Variants in TET2 observed in about 807,000 individuals in gnomAD.
The protein encoded by TET2 is methylcytosine dioxygenase TET2.
In TET2, 299 loss-of-function variants were observed where a neutral mutation model predicts 142.9. That is an observed-to-expected ratio of 2.09 (90% CI 1.90 to 2.30). The LOEUF is 2.30. Ranked by LOEUF, TET2 falls within the 30% of genes most tolerant of loss-of-function variation. TET2 has a pLI of 0.00. For synonymous variants in TET2, 819 were observed against 849.0 expected, an observed-to-expected ratio of 0.96 and a Z score of 0.61; for missense variants, 2,418 against 2,378.0, an observed-to-expected ratio of 1.02 and a Z score of -0.35.
In TET2 at chr4:105,236,658, A is replaced by G. The variant is rs1176472600; in HGVS notation, c.2716A>G (p.Met906Val). The change falls in exon 3 of 11, where the codon ATG becomes GTG. Residue 906 changes from methionine to valine, a missense_variant. Transcript: ENST00000380013. ...LQGYKNRNQD[M>V]SGQQAAQLAQ... Reference sequence around the variant, plus strand: ...GGGATATAAAAATAGAAACCAAGATATGTCTGGTCAACAAGCTGCGCAACT... The same window carrying G: ...GGGATATAAAAATAGAAACCAAGATGTGTCTGGTCAACAAGCTGCGCAACT... 14 of 1,614,084 alleles carry G rather than the reference A, an allele frequency of 8.7e-6. No individual in the cohort carries two copies. The highest frequency in any genetic ancestry group is 1.2e-5 in the Non-Finnish European group (14 of 1,180,010).
intron 2 of TET2, among the ~76,000 whole-genome samples, chr4:105,209,182 G>A (rs948638489): frequency 6.1e-5 from 9 of 148,496 alleles, no homozygotes; most frequent in Admixed American, 2.7e-4. Context: ...TTCACTTTTG[G>A]TGTGTATTCC....
chr4:105,261,908 G>T, intron 8 of TET2, 60 bp downstream of exon 8: 1 of 974,592 alleles, frequency 1.0e-6, no homozygotes, highest in African/African-American at 1.7e-5. Flanking sequence ...AATGACCTAT[G>T]TCCAAAAATA....
intron 8 of TET2, among the ~76,000 whole-genome samples, chr4:105,264,501 T>G (rs893051563): frequency 6.6e-6 from 1 of 152,198 alleles, no homozygotes; most frequent in Non-Finnish European, 1.5e-5. Flanking sequence ...ATTCTTATTA[T>G]GGACCGTCTC....
intron 2 of TET2, among the ~76,000 whole-genome samples, chr4:105,233,376 T>A (rs1419850248): frequency 5.3e-4 from 9 of 16,992 alleles, no homozygotes; most frequent in South Asian, 2.9e-3. Context: ...AGAGTGAGAC[T>A]CCATCTCAAA....
At chr4:105,260,837 CTT>C (rs1400967920) in intron 7 of TET2, among the ~76,000 whole-genome samples, 14 of 152,160 alleles carry the variant, frequency 9.2e-5, no homozygotes, top group African/African-American at 2.9e-4. Flanking sequence ...ATATTAATAA[CTT>C]AATGAAAAGT....
At position 105,235,018 on chromosome 4, in the gene TET2, A is replaced by G; in HGVS notation, c.1076A>G (p.Asn359Ser). ...GAATTCTGTTCAGGTTCCAGCAGCA[A>G]TTTGCAAGCTCCTGGTGGCAGCTCT... ...GEEFCSGSSS[N>S]LQAPGGSSER... Residue 359 changes from asparagine (N) to serine (S), a missense_variant, in exon 3 of 11, where the codon AAT (asparagine) becomes AGT (serine). Physicochemically the swap from Asn to Ser is conservative, Grantham distance 46 (BLOSUM62 1). Coordinates refer to ENST00000380013, the MANE Select transcript of TET2 (RefSeq NM_001127208.3). 6.2e-7 allele frequency: 1 copy of G among 1,614,154 alleles called. No individual in the cohort carries two copies. Among genetic ancestry groups the G allele is most frequent in the Non-Finnish European group, 8.5e-7 (1 of 1,180,012 alleles).
chr4:105,242,239 C>A (rs962158801), intron 4 of TET2: 14 of 1,090,280 alleles, frequency 1.3e-5, no homozygotes, highest in South Asian at 9.1e-5. Context: ...AGTGGCCTGG[C>A]AGAAATAGTG....
At chr4:105,245,417 A>G (rs1578695305) in intron 6 of TET2, among the ~76,000 whole-genome samples, 1 of 151,286 alleles carries the variant, frequency 6.6e-6, no homozygotes, top group African/African-American at 2.4e-5. Context: ...TGCAACCTCC[A>G]TCTCCTGGGT....
intron 1 of TET2, among the ~76,000 whole-genome samples, chr4:105,186,441 T>G (rs1378477554): frequency 2.6e-5 from 4 of 151,722 alleles, no homozygotes; most frequent in African/African-American, 9.7e-5. Context: ...GAAGGAAAAC[T>G]CAGTGTATAA....
intron 2 of TET2, among the ~76,000 whole-genome samples, chr4:105,207,758 A>G (rs1560753019): frequency 6.6e-6 from 1 of 152,144 alleles, no homozygotes; most frequent in Non-Finnish European, 1.5e-5. Flanking sequence ...CACTCTTCTG[A>G]TTTAGAATAT....
chr4:105,234,210 C>T lies in TET2; in HGVS notation c.268C>T (p.Gln90Ter), dbSNP rs1342828491. ...AAGTAGAGGGTATTCCAAGTGTTTGCAAAATGGAGGAATAAAACGCACAGT... is the reference window on the plus strand; with the variant it reads ...AAGTAGAGGGTATTCCAAGTGTTTGTAAAATGGAGGAATAAAACGCACAGT... ...QESRGYSKCL[Q>*]NGGIKRTVSE... The change falls in exon 3 of 11, where the codon CAA (glutamine) becomes TAA (stop). Residue 90 changes from glutamine (Q) to a stop codon, truncating the protein, a stop_gained. Coordinates refer to ENST00000380013, the MANE Select transcript of TET2 (RefSeq NM_001127208.3). LOFTEE classifies it high-confidence loss of function. 1.9e-6 allele frequency: 3 copies of T among 1,614,112 alleles called. No individual in the cohort carries two copies. Among genetic ancestry groups the T allele is most frequent in the Non-Finnish European group, 2.5e-6 (3 of 1,180,018 alleles).
intron 2 of TET2, 50 bp downstream of exon 2, chr4:105,190,555 C>T (rs1725725428): frequency 7.2e-6 from 5 of 690,914 alleles, no homozygotes; most frequent in South Asian, 6.1e-5. Flanking sequence ...TGAATTTATT[C>T]CTAATGTAAT....
chr4:105,237,792 A>G (rs1484294808), intron 3 of TET2: 11 of 1,128,252 alleles, frequency 9.7e-6, no homozygotes, highest in Non-Finnish European at 8.8e-6. Context: ...TAGTTTCACA[A>G]GATTTCTGGC....
At chr4:105,223,413 T>C (rs993652389) in intron 2 of TET2, among the ~76,000 whole-genome samples, 1 of 152,104 alleles carries the variant, frequency 6.6e-6, no homozygotes, top group East Asian at 1.9e-4. Flanking sequence ...TTTAATTTTA[T>C]AAGAAATGCC....
chr4:105,272,986 G>C, intron 10 of TET2, 68 bp downstream of exon 10: 1 of 1,334,646 alleles, frequency 7.5e-7, no homozygotes, highest in East Asian at 2.5e-5. Context: ...AAATTATTTT[G>C]GTTTTGCCCC....
chr4:105,240,014 T>A lies in TET2; in HGVS notation c.3410-1325T>A, dbSNP rs766003203. ...TAGAGCAGGCAGAATGCACACAACA[T>A]TTATCAGATTATGTTTGCACCATTT... On this transcript the variant is annotated intron_variant, in intron 3 of 10. Coordinates refer to ENST00000380013, the MANE Select transcript of TET2 (RefSeq NM_001127208.3). 6 of 240,864 alleles carry A rather than the reference T, an allele frequency of 2.5e-5. No homozygotes were observed. The East Asian group carries it at 3.2e-4, about 13-fold the overall frequency. The allele number at this position is 240,864 out of a possible 1,614,324, so 14.9% of individuals were successfully genotyped here.
Position 105,242,862 on chromosome 4 carries a change from A to T in TET2, c.3529A>T (p.Ile1177Phe). ...TGGACAGAAGGGTAAAGCTATTAGG[A>T]TTGAAAGAGTCATCTATACTGGTAA... ...RFGQKGKAIR[I>F]ERVIYTGKEG... is the part of the protein sequence containing the mutation. The change falls in exon 5 of 11, where the codon ATT becomes TTT. Residue 1177 changes from isoleucine to phenylalanine, a missense_variant. Transcript: ENST00000380013. The T allele has an allele frequency of 1.3e-6, 2 of 1,551,414 alleles. No individual in the cohort carries two copies. The highest frequency in any genetic ancestry group is 1.7e-6 in the Non-Finnish European group (2 of 1,146,866).
chr4:105,207,715 G>A (rs1578621558), intron 2 of TET2, among the ~76,000 whole-genome samples: 1 of 152,142 alleles, frequency 6.6e-6, no homozygotes, highest in South Asian at 2.1e-4. Context: ...AACAAATAAA[G>A]TTCACAGCTC....
chr4:105,173,952 A>G (rs1275894301), intron 1 of TET2, among the ~76,000 whole-genome samples: 1 of 152,204 alleles, frequency 6.6e-6, no homozygotes, highest in Non-Finnish European at 1.5e-5. Context: ...CATGCATGCA[A>G]AAATGATGTA....
Sources: gnomAD v4.1 joint callset for allele counts (sites outside exome capture counted in the v4.1 genomes callset) on GRCh38, gnomAD v4.1.1 for gene constraint, MANE v1.5 for transcripts, NCBI Gene and HGNC (gene_info 2026-07-23, HGNC 2026-07-21) for gene names.